Variants in PCDHGB4 observed in about 807,000 individuals in gnomAD.
PCDHGB4 encodes protocadherin gamma-B4.
In PCDHGB4, 38 loss-of-function variants were observed where a neutral mutation model predicts 60.5. The observed-to-expected ratio is 0.63, with a 90% CI of 0.48 to 0.82. The LOEUF (loss-of-function observed/expected upper bound fraction) is 0.82. PCDHGB4 is among the 40% of genes least tolerant of loss of function. The pLI is 0.00. For synonymous variants in PCDHGB4, 456 were observed against 509.7 expected, an observed-to-expected ratio of 0.89 and a Z score of 1.42; for missense variants, 1,109 against 1,209.6, an observed-to-expected ratio of 0.92 and a Z score of 1.23.
chr5:141,498,971 G>GGGAAGGAAGGAAGGAAGGAAGGAA (rs201769957), intron 2 of PCDHGB4, among the ~76,000 whole-genome samples: 2 of 110,972 alleles, frequency 1.8e-5, no homozygotes, highest in African/African-American at 3.6e-5. Context: ...GAGGGAGGGA[G>GGGAAGGAAGGAAGGAAGGAAGGAA]GGAAGGAAGG....
Position 141,511,176 on chromosome 5 carries a change from T to C in PCDHGB4, c.*3T>C, listed in dbSNP as rs375508988. On this transcript the variant is annotated 3_prime_UTR_variant, in exon 4 of 4. Transcript: ENST00000519479. ...CGGGCAAGAAGGAGAAGAAGTAACA[T>C]GGAGGCCAGGCCAAGAGCCACAGGG... 198 of 1,614,046 alleles carry C rather than the reference T, an allele frequency of 1.2e-4. 1 individual carries two copies. The highest frequency in any genetic ancestry group is 6.5e-5 in the Non-Finnish European group (77 of 1,179,964).
rs759647406 is a variant in PCDHGB4 at position 141,493,849 on chromosome 5, A to G, written c.2398-958A>G. Among the ~76,000 whole-genome samples the G allele has an allele frequency of 6.6e-6, 1 of 152,178 alleles. No individual in the cohort carries two copies. The highest frequency in any genetic ancestry group is 1.5e-5 in the Non-Finnish European group (1 of 68,028). ...CTGGGAGCAAGTATGAGTATTAATT[A>G]CCAGCCCACCCCAGAACCAGTGAGG... On this transcript the variant is annotated intron_variant, in intron 1 of 3. Coordinates refer to ENST00000519479, the MANE Select transcript of PCDHGB4 (RefSeq NM_003736.4). The surrounding 1 kb of genome is among the most constrained non-coding windows in gnomAD (Gnocchi z 4.3).
At chr5:141,418,163 T>G in intron 1 of PCDHGB4, 1 of 1,614,002 alleles carries the variant, frequency 6.2e-7, no homozygotes, top group Non-Finnish European at 8.5e-7. Context: ...GAGAAGAAGA[T>G]GTGAGTTGCA....
intron 1 of PCDHGB4, chr5:141,419,328 C>T (rs2096360351): frequency 6.2e-7 from 1 of 1,613,954 alleles, no homozygotes. Context: ...GTCTCCTACT[C>T]TCTCATTGCC....
chr5:141,476,922 C>T lies in PCDHGB4; in HGVS notation c.2398-17885C>T. 4 of 1,614,120 alleles carry T rather than the reference C, an allele frequency of 2.5e-6. No individual in the cohort carries two copies. Among genetic ancestry groups the T allele is most frequent in the Non-Finnish European group, 2.5e-6 (3 of 1,180,050 alleles). On this transcript the variant is annotated intron_variant, in intron 1 of 3. Transcript: ENST00000519479. The surrounding 1 kb of genome is among the most constrained non-coding windows in gnomAD (Gnocchi z 7.6). ...ACGCGCGTGGTACAAGTCCTTGCAA[C>T]GGATCTGGATGAAGGCCCCAACGGT...
chr5:141,476,184 T>C lies in PCDHGB4; in HGVS notation c.2398-18623T>C, dbSNP rs1038598087. ...AGGGTAGTGGGAGTTTTGCTTCTGC[T>C]TGGTGCCTTGAACAAGGCTTCCACG... On this transcript the variant is annotated intron_variant, in intron 1 of 3. Coordinates refer to ENST00000519479, the MANE Select transcript of PCDHGB4 (RefSeq NM_003736.4). The surrounding 1 kb of genome is among the most constrained non-coding windows in gnomAD (Gnocchi z 7.6). 1 of 1,613,708 alleles carries C rather than the reference T, an allele frequency of 6.2e-7. No homozygotes were observed. Among genetic ancestry groups the C allele is most frequent in the Non-Finnish European group, 8.5e-7 (1 of 1,179,992 alleles).
intron 1 of PCDHGB4, chr5:141,414,410 G>A (rs1216701146): frequency 1.2e-6 from 2 of 1,613,856 alleles, no homozygotes; most frequent in Non-Finnish European, 1.7e-6. Context: ...GTGATACACA[G>A]AGCCCTTGAC....
chr5:141,403,719 C>T (rs758160960), intron 1 of PCDHGB4: 2 of 1,613,864 alleles, frequency 1.2e-6, no homozygotes, highest in Non-Finnish European at 1.7e-6. Context: ...GAGAACGTGC[C>T]CCCAGGCACC....
At chr5:141,475,895 C>A (rs2099379056) in intron 1 of PCDHGB4, 1 of 568,558 alleles carries the variant, frequency 1.8e-6, no homozygotes, top group African/African-American at 1.9e-5. Context: ...ACTCTGTGTG[C>A]CGCTGTCGGC....
chr5:141,423,195 G>C, intron 1 of PCDHGB4: 14 of 1,613,544 alleles, frequency 8.7e-6, no homozygotes, highest in Non-Finnish European at 1.2e-5. Flanking sequence ...CCCCTCTCTC[G>C]GCCACCGTCA....
intron 1 of PCDHGB4, among the ~76,000 whole-genome samples, chr5:141,425,551 T>C (rs1472337722): frequency 1.3e-5 from 2 of 152,270 alleles, no homozygotes. Context: ...CAGAAACCTC[T>C]TTTATAAGTG....
At chr5:141,410,523 A>G (rs2095403267) in intron 1 of PCDHGB4, 3 of 1,613,800 alleles carry the variant, frequency 1.9e-6, no homozygotes, top group South Asian at 2.2e-5. Flanking sequence ...GTGCCCCTAC[A>G]TTCCAATGAA....
intron 1 of PCDHGB4, among the ~76,000 whole-genome samples, chr5:141,483,010 G>C (rs574078222): frequency 6.6e-6 from 1 of 152,006 alleles, no homozygotes; most frequent in Non-Finnish European, 1.5e-5. Flanking sequence ...GCTTGAACCC[G>C]GGAGGCAGAG....
chr5:141,432,288 A>C lies in PCDHGB4; in HGVS notation c.2397+42007A>C. ...TCGTCCTACGTGTCCATCAACTCCG[A>C]CACTGGGGTACTGTATGCGCTGAGC... On this transcript the variant is annotated intron_variant, in intron 1 of 3. Coordinates refer to ENST00000519479, the MANE Select transcript of PCDHGB4 (RefSeq NM_003736.4). This position sits in a 1 kb window ranked among gnomAD's most constrained non-coding sequence, Gnocchi z 6.0. 1 of 1,614,192 alleles carries C rather than the reference A, an allele frequency of 6.2e-7. No individual in the cohort carries two copies. Among genetic ancestry groups the C allele is most frequent in the Non-Finnish European group, 8.5e-7 (1 of 1,180,018 alleles).
chr5:141,418,350 T>A, intron 1 of PCDHGB4: 1 of 1,614,002 alleles, frequency 6.2e-7, no homozygotes, highest in Non-Finnish European at 8.5e-7. Context: ...GATATTAGTA[T>A]GAATTCGCTG....
chr5:141,414,721 G>A (rs373261988), intron 1 of PCDHGB4: 29 of 1,614,004 alleles, frequency 1.8e-5, no homozygotes, highest in Middle Eastern at 1.6e-4. Flanking sequence ...CTCAGACACT[G>A]GCGTCCTGTA....
intron 1 of PCDHGB4, among the ~76,000 whole-genome samples, chr5:141,456,006 T>C (rs909931677): frequency 6.6e-6 from 1 of 151,852 alleles, no homozygotes; most frequent in Non-Finnish European, 1.5e-5. Flanking sequence ...CATGCCATTC[T>C]CCTGCCTCAG....
chr5:141,416,130 C>T (rs907950687), intron 1 of PCDHGB4: 1 of 154,098 alleles, frequency 6.5e-6, no homozygotes, highest in African/African-American at 2.4e-5. Context: ...ATATATTTTT[C>T]AATCTATACT....
intron 1 of PCDHGB4, among the ~76,000 whole-genome samples, chr5:141,480,704 G>A (rs545986902): frequency 8.5e-5 from 13 of 152,206 alleles, no homozygotes; most frequent in East Asian, 5.8e-4. Flanking sequence ...GCCACACCCC[G>A]ACAAATGAAA....
Sources: allele counts gnomAD v4.1 joint callset (sites outside exome capture counted in the v4.1 genomes callset), GRCh38; gene constraint gnomAD v4.1.1; non-coding constraint Gnocchi (gnomAD v3.1); transcripts MANE v1.5; gene names NCBI Gene and HGNC (gene_info 2026-07-23, HGNC 2026-07-21).